Variants in GALNT13 observed in about 807,000 individuals in gnomAD.
GALNT13 encodes the protein UDP-GalNAc:polypeptide N-acetylgalactosaminyltransferase 13.
GALNT13 carries 28 observed loss-of-function variants against 64.2 expected under a neutral mutation model. That is an observed-to-expected ratio of 0.44 (90% CI 0.32 to 0.60). The LOEUF (loss-of-function observed/expected upper bound fraction) is 0.60. Among genes scored for constraint, GALNT13 ranks in the 20% least tolerant of loss-of-function variants. GALNT13 has a pLI of 0.05. For missense variants in GALNT13, 577 were observed against 669.8 expected, an observed-to-expected ratio of 0.86 and a Z score of 1.53; for synonymous variants, 214 against 224.6, an observed-to-expected ratio of 0.95 and a Z score of 0.42.
the GALNT13 span, among the ~76,000 whole-genome samples, chr2:153,096,267 AT>A: frequency 6.6e-6 from 1 of 150,842 alleles, no homozygotes. Flanking sequence ...ATGTTTTAAG[AT>A]TTTTTTTTGT....
At chr2:154,235,164 A>T (rs1455103299) in intron 4 of GALNT13, among the ~76,000 whole-genome samples, 1 of 152,152 alleles carries the variant, frequency 6.6e-6, no homozygotes, top group Non-Finnish European at 1.5e-5. Flanking sequence ...AATCAGAAGA[A>T]AACAGAAGAA....
chr2:154,046,534 T>C (rs1699297324), intron 3 of GALNT13, among the ~76,000 whole-genome samples: 1 of 152,212 alleles, frequency 6.6e-6, no homozygotes, highest in South Asian at 2.1e-4. Flanking sequence ...TTCTGGGCAC[T>C]TTAAGCCCCA....
chr2:153,550,944 C>A, the GALNT13 span, among the ~76,000 whole-genome samples: 1 of 152,072 alleles, frequency 6.6e-6, no homozygotes, highest in African/African-American at 2.4e-5. Context: ...TGAGGTATGT[C>A]CAACAGTGAT....
At chr2:153,723,324 A>G in the GALNT13 span, among the ~76,000 whole-genome samples, 1 of 150,866 alleles carries the variant, frequency 6.6e-6, no homozygotes, top group South Asian at 2.1e-4. Flanking sequence ...AGAGCTATCT[A>G]TGACAAACCC....
the GALNT13 span, among the ~76,000 whole-genome samples, chr2:153,443,716 A>T: frequency 1.3e-5 from 2 of 152,168 alleles, no homozygotes; most frequent in Non-Finnish European, 2.9e-5. Flanking sequence ...TTAGGTCAGG[A>T]GTTCCAGACC....
chr2:153,558,476 A>T, the GALNT13 span, among the ~76,000 whole-genome samples: 1 of 152,188 alleles, frequency 6.6e-6, no homozygotes, highest in African/African-American at 2.4e-5. Flanking sequence ...CGATGGCATC[A>T]TAAATCTCTT....
chr2:154,429,567 C>T (rs1700620556), intron 11 of GALNT13, among the ~76,000 whole-genome samples: 1 of 152,072 alleles, frequency 6.6e-6, no homozygotes, highest in Non-Finnish European at 1.5e-5. Flanking sequence ...CATAAAAGGG[C>T]AAGGTGAAGT....
At chr2:153,358,086 G>A in the GALNT13 span, among the ~76,000 whole-genome samples, 1 of 152,072 alleles carries the variant, frequency 6.6e-6, no homozygotes, top group Non-Finnish European at 1.5e-5. Context: ...AGTTCTGCAG[G>A]CTACTTAAAA....
At chr2:153,797,823 C>T in the GALNT13 span, among the ~76,000 whole-genome samples, 1 of 152,170 alleles carries the variant, frequency 6.6e-6, no homozygotes, top group African/African-American at 2.4e-5. Context: ...TGGCCTATGC[C>T]CACTGAAGTA....
chr2:153,500,890 G>T, the GALNT13 span, among the ~76,000 whole-genome samples: 2 of 152,052 alleles, frequency 1.3e-5, no homozygotes, highest in African/African-American at 4.8e-5. Context: ...TTAAAATTTA[G>T]AAATCTCATA....
At chr2:154,275,270 A>G (rs1318436678) in intron 8 of GALNT13, among the ~76,000 whole-genome samples, 1 of 152,118 alleles carries the variant, frequency 6.6e-6, no homozygotes, top group Non-Finnish European at 1.5e-5. Context: ...CAATGGGGAA[A>G]AGGTTTCCAG....
intron 3 of GALNT13, among the ~76,000 whole-genome samples, chr2:154,109,995 T>C (rs1702843379): frequency 6.6e-6 from 1 of 151,918 alleles, no homozygotes; most frequent in African/African-American, 2.4e-5. Context: ...TTAAAAAGAG[T>C]TTGGATGTGT....
chr2:153,128,016 G>A, the GALNT13 span, among the ~76,000 whole-genome samples: 1 of 152,136 alleles, frequency 6.6e-6, no homozygotes, highest in Admixed American at 6.6e-5. Flanking sequence ...TAAACTTTTT[G>A]TAGACACAAA....
the GALNT13 span, among the ~76,000 whole-genome samples, chr2:153,130,896 C>T: frequency 1.3e-5 from 2 of 152,164 alleles, no homozygotes; most frequent in African/African-American, 4.8e-5. Context: ...AATAGTTGTA[C>T]AGTCCAAACT....
the GALNT13 span, among the ~76,000 whole-genome samples, chr2:153,825,751 CT>C: frequency 6.6e-6 from 1 of 151,846 alleles, no homozygotes; most frequent in South Asian, 2.1e-4. Flanking sequence ...CAGGAACAGC[CT>C]AAAAAACGAC....
At chr2:153,380,072 T>C in the GALNT13 span, among the ~76,000 whole-genome samples, 420 of 152,166 alleles carry the variant, frequency 2.8e-3, 2 homozygotes, top group African/African-American at 9.2e-3. Context: ...CTCTCTCCCA[T>C]GTAGAAAGAG....
At chr2:153,943,139 A>G (rs1691458974) in intron 2 of GALNT13, among the ~76,000 whole-genome samples, 1 of 152,208 alleles carries the variant, frequency 6.6e-6, no homozygotes, top group African/African-American at 2.4e-5. Context: ...AAACAAATGT[A>G]GTAGTATAAA....
At position 154,086,033 on chromosome 2, in the gene GALNT13, G is replaced by A. The variant is rs1037404933; in HGVS notation, c.143-54304G>A. On this transcript the variant is annotated intron_variant, in intron 3 of 12. Transcript: ENST00000392825. Reference sequence around the variant, plus strand: ...TATGGTTGTTGCCCATTGTCAGTAGGCAACATTTCAATGAGCTGTAATGTT... The same window carrying A: ...TATGGTTGTTGCCCATTGTCAGTAGACAACATTTCAATGAGCTGTAATGTT... Among the ~76,000 whole-genome samples the A allele has an allele frequency of 2.0e-5, 3 of 151,400 alleles. No individual in the cohort carries two copies. In the Admixed American group the frequency reaches 2.0e-4, roughly 10 times the overall value.
the GALNT13 span, among the ~76,000 whole-genome samples, chr2:153,607,852 A>G: frequency 6.6e-6 from 1 of 152,166 alleles, no homozygotes; most frequent in Non-Finnish European, 1.5e-5. Flanking sequence ...GACAAGAATA[A>G]TTTAATGCCA....
Sources: gnomAD v4.1 joint callset for allele counts (sites outside exome capture counted in the v4.1 genomes callset) on GRCh38, gnomAD v4.1.1 for gene constraint, MANE v1.5 for transcripts, NCBI Gene and HGNC (gene_info 2026-07-23, HGNC 2026-07-21) for gene names.